The following CUBN variants were observed in gnomAD, a reference collection of about 807,000 sequenced individuals.
CUBN encodes the protein cubilin, also known as 460 kDa receptor.
Under a neutral mutation model 405.3 loss-of-function variants are expected in CUBN, and 282 were observed. The observed-to-expected ratio is 0.70, with a 90% CI of 0.63 to 0.77. CUBN has a LOEUF of 0.77. Among genes scored for constraint, CUBN ranks in the 30% least tolerant of loss-of-function variants. The pLI is 0.00. For missense variants in CUBN, 4,514 were observed against 4,475.2 expected (o/e 1.01, Z -0.25); for synonymous variants, 1,684 against 1,617.0 (o/e 1.04, Z -0.99).
chr10:16,845,963 A>T (rs925366298), intron 60 of CUBN, among the ~76,000 whole-genome samples: 1 of 152,220 alleles, frequency 6.6e-6, no homozygotes, highest in African/African-American at 2.4e-5. Flanking sequence ...TTCACAGGAC[A>T]GTTTTGCAAA....
chr10:16,835,157 T>C lies in CUBN; in HGVS notation c.10219A>G (p.Arg3407Gly), dbSNP rs1839131753. The change falls in exon 64 of 67, where the codon AGA becomes GGA. Residue 3407 changes from arginine to glycine, a missense_variant. Arg to Gly is a moderately radical substitution (Grantham distance 125). This residue lies in a region of CUBN where 1,186 missense variants were observed against 1,186.9 expected (regional missense o/e 1.00). Coordinates refer to ENST00000377833, the MANE Select transcript of CUBN (RefSeq NM_001081.4). Reference sequence around the variant, plus strand: ...TAGTTATCTGGCCATCCAGGGCTTCTCAGGTTGCCAAATGCCTTGTGATAG... The same window carrying C: ...TAGTTATCTGGCCATCCAGGGCTTCCCAGGTTGCCAAATGCCTTGTGATAG... The part of the protein sequence containing the change: ...RDYHKAFGNL[R>G]SPGWPDNYDN... 5 of 1,614,096 alleles carry C rather than the reference T, an allele frequency of 3.1e-6. No individual in the cohort carries two copies. Among genetic ancestry groups the C allele is most frequent in the Non-Finnish European group, 4.2e-6 (5 of 1,180,030 alleles).
intron 22 of CUBN, among the ~76,000 whole-genome samples, chr10:17,056,076 C>G (rs988391990): frequency 2.6e-5 from 4 of 151,940 alleles, no homozygotes. Flanking sequence ...TAAATATGTA[C>G]AGCAGTGTGA....
At chr10:16,911,661 T>C (rs1226473188) in intron 48 of CUBN, among the ~76,000 whole-genome samples, 2 of 152,334 alleles carry the variant, frequency 1.3e-5, no homozygotes, top group Middle Eastern at 3.4e-3. Flanking sequence ...AAAGGACATG[T>C]GAATACTCTG....
At chr10:16,961,687 A>G (rs1843221016) in intron 31 of CUBN, among the ~76,000 whole-genome samples, 1 of 145,320 alleles carries the variant, frequency 6.9e-6, no homozygotes, top group Non-Finnish European at 1.5e-5. Context: ...GATTCCTTTT[A>G]GAGGGAAAAG....
At position 16,998,166 on chromosome 10, in the gene CUBN, TC is replaced by T. The variant is rs547963394; in HGVS notation, c.4169-7652del. On this transcript the variant is annotated intron_variant, in intron 28 of 66. Coordinates refer to ENST00000377833, the MANE Select transcript of CUBN (RefSeq NM_001081.4). ...TGTCCCTGTATTGGGTTGAACACTG[TC>T]CCCCGAGACTTATGCCTACCAGGAA... Among the ~76,000 whole-genome samples, 29 of 152,038 alleles carry T rather than the reference TC, an allele frequency of 1.9e-4. 1 individual carries two copies. In the South Asian group the frequency reaches 5.8e-3, roughly 31 times the overall value.
chr10:16,963,182 CTTTTCTTTT>C (rs1478328592), intron 31 of CUBN, among the ~76,000 whole-genome samples: 2 of 90,948 alleles, frequency 2.2e-5, no homozygotes, highest in African/African-American at 4.3e-5. Context: ...TTTTTCTTTT[CTTTTCTTTT>C]TTTTCTTTTT....
intron 40 of CUBN, among the ~76,000 whole-genome samples, chr10:16,932,728 T>G (rs577291978): frequency 1.3e-5 from 2 of 152,174 alleles, no homozygotes; most frequent in Admixed American, 1.3e-4. Flanking sequence ...CCAGTCACAT[T>G]ACAATTATAA....
chr10:16,932,741 A>AT (rs780025233), intron 40 of CUBN, among the ~76,000 whole-genome samples: 159 of 152,174 alleles, frequency 1.0e-3, no homozygotes, highest in South Asian at 3.3e-3. Flanking sequence ...AATTATAAGT[A>AT]TTTTTTTCAG....
intron 36 of CUBN, among the ~76,000 whole-genome samples, chr10:16,943,318 C>T (rs7912716): frequency 0.12 from 18,701 of 152,230 alleles, 1,237 homozygotes; most frequent in South Asian, 0.21. Flanking sequence ...ATGGAATTTT[C>T]ACAGCAAGCT....
chr10:16,842,786 G>A (rs1357947952), intron 60 of CUBN, among the ~76,000 whole-genome samples: 1 of 152,184 alleles, frequency 6.6e-6, no homozygotes, highest in Non-Finnish European at 1.5e-5. Flanking sequence ...CAGTCTGCAA[G>A]CCCCAGCTGC....
At chr10:16,943,694 G>A (rs1842714512) in intron 36 of CUBN, among the ~76,000 whole-genome samples, 1 of 152,162 alleles carries the variant, frequency 6.6e-6, no homozygotes, top group Non-Finnish European at 1.5e-5. Flanking sequence ...CATCACCGGA[G>A]AGCTTGTTTG....
At chr10:16,935,655 A>AT (rs1449392163) in intron 39 of CUBN, among the ~76,000 whole-genome samples, 1 of 152,052 alleles carries the variant, frequency 6.6e-6, no homozygotes, top group Non-Finnish European at 1.5e-5. Flanking sequence ...CGAGGTGGGC[A>AT]GATCATGAGG....
intron 27 of CUBN, among the ~76,000 whole-genome samples, chr10:17,034,141 C>T (rs1834839713): frequency 6.6e-6 from 1 of 152,078 alleles, no homozygotes; most frequent in African/African-American, 2.4e-5. Flanking sequence ...CTGAAGTCCC[C>T]CACACTATCA....
chr10:17,044,790 A>G (rs1039051244), intron 25 of CUBN, among the ~76,000 whole-genome samples: 6 of 152,158 alleles, frequency 3.9e-5, no homozygotes, highest in Admixed American at 3.3e-4. Flanking sequence ...TTAATAGTCT[A>G]TCAATATATT....
chr10:16,831,369 C>T lies in CUBN; in HGVS notation c.10411G>A (p.Gly3471Arg), dbSNP rs1453459372. The stretch of plus-strand genomic sequence containing the variant: ...AAGACAGGGTTTGGCAGCAGAGTTC[C>T]ACAGTACTTGCCCAGTAATGGTGAA... ...SNSPLLGKYCGTLLPNPVFSQ... is the reference protein window; with the variant it reads ...SNSPLLGKYCRTLLPNPVFSQ... Residue 3471 changes from glycine (G) to arginine (R), a missense_variant, in exon 65 of 67, where the codon GGA (glycine) becomes AGA (arginine). Physicochemically the swap from Gly to Arg is moderately radical, Grantham distance 125. Coordinates refer to ENST00000377833, the MANE Select transcript of CUBN (RefSeq NM_001081.4). The T allele has an allele frequency of 6.2e-7, 1 of 1,614,056 alleles. No individual in the cohort carries two copies. The highest frequency in any genetic ancestry group is 1.7e-5 in the Admixed American group (1 of 60,026).
At position 16,869,788 on chromosome 10, in the gene CUBN, C is replaced by A; in HGVS notation, c.9302G>T (p.Gly3101Val). ...AAGAAGGGGATCGCTGGTATTGGCA[C>A]CATCGTAAATTGCCAGGTAGTCATG... ...CSHDYLAIYD[G>V]ANTSDPLLGK... Residue 3101 changes from glycine to valine, a missense_variant, in exon 59 of 67, where the codon GGT becomes GTT. Gly to Val is a moderately radical substitution (Grantham distance 109). Around this residue, in one of 5 missense-constraint regions of CUBN, gnomAD observed 1,186 missense variants for 1,186.9 expected, o/e 1.00. Transcript: ENST00000377833. The A allele has an allele frequency of 1.9e-6, 3 of 1,614,094 alleles. No homozygotes were observed. The highest frequency in any genetic ancestry group is 1.3e-5 in the African/African-American group (1 of 75,034).
At chr10:16,926,875 T>C (rs1842207016) in intron 41 of CUBN, among the ~76,000 whole-genome samples, 4 of 151,882 alleles carry the variant, frequency 2.6e-5, no homozygotes. Context: ...GGTTTTTCGT[T>C]ACATGGATGA....
At chr10:16,957,454 G>C (rs963460122) in intron 31 of CUBN, among the ~76,000 whole-genome samples, 5 of 152,064 alleles carry the variant, frequency 3.3e-5, no homozygotes, top group Non-Finnish European at 5.9e-5. Context: ...AAGTCTTTTT[G>C]TCTTCAAGAG....
At chr10:17,019,325 C>T (rs533559755) in intron 28 of CUBN, among the ~76,000 whole-genome samples, 2 of 152,240 alleles carry the variant, frequency 1.3e-5, no homozygotes, top group African/African-American at 4.8e-5. Flanking sequence ...CAACACATGC[C>T]CCTGGCTTTG....
Sources: allele counts gnomAD v4.1 joint callset (sites outside exome capture counted in the v4.1 genomes callset), GRCh38; gene constraint gnomAD v4.1.1; regional missense constraint gnomAD v4.1.1; transcripts MANE v1.5; gene names NCBI Gene and HGNC (gene_info 2026-07-23, HGNC 2026-07-21).